The following RXRA variants were observed in gnomAD, a reference collection of about 807,000 sequenced individuals.
The protein encoded by RXRA is retinoic acid receptor RXR-alpha.
A neutral mutation model predicts 44.5 loss-of-function variants in RXRA; 5 were observed. The observed-to-expected ratio is 0.11, with a 90% CI of 0.06 to 0.24. The LOEUF (loss-of-function observed/expected upper bound fraction) is 0.24, where lower values mean the gene tolerates loss of function less well. RXRA is among the 10% of genes least tolerant of loss of function. RXRA has a pLI of 1.00. For synonymous variants in RXRA, 291 were observed against 271.4 expected (o/e 1.07, Z -0.71); for missense variants, 412 against 646.5 (o/e 0.64, Z 3.93).
intron 1 of RXRA, among the ~76,000 whole-genome samples, chr9:134,386,376 G>T (rs899103217): frequency 6.6e-6 from 1 of 152,260 alleles, no homozygotes; most frequent in South Asian, 2.1e-4. Flanking sequence ...GCGGGGGACC[G>T]CAGGTGGCTG....
intron 1 of RXRA, among the ~76,000 whole-genome samples, chr9:134,344,544 G>T (rs1830126870): frequency 6.6e-6 from 1 of 152,032 alleles, no homozygotes; most frequent in South Asian, 2.1e-4. Flanking sequence ...TTCTCTGGGG[G>T]CTCCCAACAG....
At chr9:134,382,409 G>A (rs1830660286) in intron 1 of RXRA, among the ~76,000 whole-genome samples, 1 of 152,128 alleles carries the variant, frequency 6.6e-6, no homozygotes, top group Admixed American at 6.5e-5. Context: ...GGGTGCTGAG[G>A]AGACCAGAGC....
At chr9:134,401,591 C>T (rs761709952) in intron 1 of RXRA, 41 bp from the exon 2 acceptor site, 27 of 1,610,930 alleles carry the variant, frequency 1.7e-5, no homozygotes, top group Non-Finnish European at 2.3e-5. Flanking sequence ...GGCCTGGAGT[C>T]ACCTGCACTG....
rs907667201 is a variant in RXRA at position 134,426,236 on chromosome 9, C to G, written c.911-2872C>G. The G allele has an allele frequency of 1.0e-6, 1 of 985,422 alleles. No homozygotes were observed. The highest frequency in any genetic ancestry group is 5.2e-4 in the Middle Eastern group (1 of 1,914). 61.0% of individuals were successfully genotyped at this position (985,422 alleles called of 1,614,324 possible). On this transcript the variant is annotated intron_variant, in intron 6 of 9. Coordinates refer to ENST00000481739, the MANE Select transcript of RXRA (RefSeq NM_002957.6). This position sits in a 1 kb window ranked among gnomAD's most constrained non-coding sequence, Gnocchi z 4.6. Reference sequence around the variant, plus strand: ...TCCTCCTTCTGAAAGGCCAGCGCACCCTGAGCCGTTTAAAGCTGTGTCCGT... The same window carrying G: ...TCCTCCTTCTGAAAGGCCAGCGCACGCTGAGCCGTTTAAAGCTGTGTCCGT...
Position 134,365,996 on chromosome 9 carries a change from C to T in RXRA, c.29-35636C>T, listed in dbSNP as rs1006772482. On this transcript the variant is annotated intron_variant, in intron 1 of 9. Coordinates refer to ENST00000481739, the MANE Select transcript of RXRA (RefSeq NM_002957.6). This position sits in a 1 kb window ranked among gnomAD's most constrained non-coding sequence, Gnocchi z 4.0. ...TAGGAGCCGCCTGTCTTTGCAGGAG[C>T]CGCGGGGATCATCTGGCGGCTGCCT... Among the ~76,000 whole-genome samples, 3 of 152,104 alleles carry T rather than the reference C, an allele frequency of 2.0e-5. No individual in the cohort carries two copies. Among genetic ancestry groups the T allele is most frequent in the Non-Finnish European group, 2.9e-5 (2 of 68,006 alleles).
intron 1 of RXRA, among the ~76,000 whole-genome samples, chr9:134,368,848 G>C (rs1830448347): frequency 6.7e-6 from 1 of 149,370 alleles, no homozygotes; most frequent in Non-Finnish European, 1.5e-5. Context: ...GCATATGTGT[G>C]TGTGAAAGTG....
intron 3 of RXRA, 123 bp from the exon 4 acceptor site, chr9:134,408,817 G>A: frequency 2.2e-6 from 2 of 915,716 alleles, no homozygotes; most frequent in Non-Finnish European, 3.3e-6. Context: ...GCAGGGGTCT[G>A]GAGACCAGCA....
chr9:134,326,911 C>A (rs1265270295), intron 1 of RXRA, among the ~76,000 whole-genome samples: 1 of 149,786 alleles, frequency 6.7e-6, no homozygotes, highest in Non-Finnish European at 1.5e-5. Flanking sequence ...GCAGGTTCGC[C>A]CGGGACGAGG....
chr9:134,367,614 C>T (rs1459807583), intron 1 of RXRA, among the ~76,000 whole-genome samples: 1 of 152,230 alleles, frequency 6.6e-6, no homozygotes, highest in African/African-American at 2.4e-5. Context: ...GTGCGGTGAC[C>T]CTCGCCGGCT....
At chr9:134,389,413 TG>T (rs1830768112) in intron 1 of RXRA, among the ~76,000 whole-genome samples, 1 of 151,774 alleles carries the variant, frequency 6.6e-6, no homozygotes. Flanking sequence ...GGCCAGGGCT[TG>T]GGCGCCTCTG....
chr9:134,336,923 G>A (rs568640840), intron 1 of RXRA, among the ~76,000 whole-genome samples: 47 of 152,296 alleles, frequency 3.1e-4, no homozygotes, highest in African/African-American at 9.9e-4. Context: ...GCTCGGTGTC[G>A]GTTTCTGGGA....
intron 6 of RXRA, among the ~76,000 whole-genome samples, chr9:134,427,529 C>T (rs1415612027): frequency 1.3e-5 from 2 of 152,214 alleles, no homozygotes; most frequent in East Asian, 3.9e-4. Flanking sequence ...GTTGCACAGC[C>T]TGGGGCCAGT....
intron 1 of RXRA, among the ~76,000 whole-genome samples, chr9:134,350,821 G>A (rs1197370816): frequency 5.9e-5 from 9 of 152,238 alleles, no homozygotes; most frequent in Non-Finnish European, 7.3e-5. Flanking sequence ...GCATTCGAGG[G>A]GCTGAGCGGC....
intron 8 of RXRA, among the ~76,000 whole-genome samples, chr9:134,432,591 G>T (rs375560169): frequency 1.1e-4 from 16 of 152,228 alleles, no homozygotes; most frequent in Non-Finnish European, 2.2e-4. Context: ...CTACTCCTTC[G>T]CCCAACAAGT....
At chr9:134,379,945 G>A (rs1348087103) in intron 1 of RXRA, 1 of 985,306 alleles carries the variant, frequency 1.0e-6, no homozygotes, top group East Asian at 1.1e-4. Context: ...TGGCCTCCCA[G>A]CCTGCTCCCC....
intron 1 of RXRA, among the ~76,000 whole-genome samples, chr9:134,336,630 C>G (rs996328327): frequency 1.3e-5 from 2 of 152,270 alleles, no homozygotes; most frequent in African/African-American, 2.4e-5. Context: ...GAGTCTTTTT[C>G]AAGACAGGGC....
intron 1 of RXRA, among the ~76,000 whole-genome samples, chr9:134,348,261 G>A (rs1010817344): frequency 6.6e-6 from 1 of 152,192 alleles, no homozygotes; most frequent in African/African-American, 2.4e-5. Context: ...AGCCTCCCAG[G>A]AGGTGAAACC....
At chr9:134,398,890 C>T (rs1305201800) in intron 1 of RXRA, among the ~76,000 whole-genome samples, 1 of 152,266 alleles carries the variant, frequency 6.6e-6, no homozygotes, top group Non-Finnish European at 1.5e-5. Flanking sequence ...CATGGCCCGG[C>T]CTCCTCCCAG....
chr9:134,393,704 T>C (rs181574484), intron 1 of RXRA, among the ~76,000 whole-genome samples: 1 of 152,298 alleles, frequency 6.6e-6, no homozygotes, highest in Non-Finnish European at 1.5e-5. Flanking sequence ...CCCCAGTTAG[T>C]GAGTGTCTTC....
Sources: gnomAD v4.1 joint callset for allele counts (sites outside exome capture counted in the v4.1 genomes callset) on GRCh38, gnomAD v4.1.1 for gene constraint, Gnocchi (gnomAD v3.1) non-coding constraint, MANE v1.5 for transcripts, NCBI Gene and HGNC (gene_info 2026-07-23, HGNC 2026-07-21) for gene names.